The following SUPT3H variants were observed in gnomAD, a reference collection of about 807,000 sequenced individuals.
SUPT3H encodes the protein SPT3 homolog, SAGA and STAGA complex component.
A neutral mutation model predicts 44.3 loss-of-function variants in SUPT3H; 44 were observed. The observed-to-expected ratio is 0.99, with a 90% CI of 0.78 to 1.28. SUPT3H has a LOEUF of 1.28. Among genes scored for constraint, SUPT3H ranks in the 50% most tolerant of loss-of-function variants. The pLI is 0.00. For synonymous variants in SUPT3H, 124 were observed against 125.6 expected (o/e 0.99, Z 0.09); for missense variants, 380 against 387.1 (o/e 0.98, Z 0.15).
intron 10 of SUPT3H, among the ~76,000 whole-genome samples, chr6:44,890,776 A>ATAAT (rs1561976670): frequency 5.0e-4 from 71 of 142,050 alleles, no homozygotes; most frequent in Admixed American, 4.1e-3. Context: ...ATAATAAAAA[A>ATAAT]AAAAGAAAAT....
intron 2 of SUPT3H, among the ~76,000 whole-genome samples, chr6:45,185,060 T>G (rs1019548846): frequency 6.6e-6 from 1 of 152,162 alleles, no homozygotes; most frequent in African/African-American, 2.4e-5. Context: ...ATCTACCAGA[T>G]AGGCTAAGGG....
chr6:45,173,730 T>C lies in SUPT3H; in HGVS notation c.102-67724A>G, dbSNP rs75895924. On this transcript the variant is annotated intron_variant, in intron 2 of 10. Transcript: ENST00000371459. ...CAGCATAGAGCCAGAAAAGGCCACA[T>C]ACATACTTCAAAAGCCTAAGAGATA... Among the ~76,000 whole-genome samples, 16 of 152,210 alleles carry C rather than the reference T, an allele frequency of 1.1e-4. No individual in the cohort carries two copies. In the East Asian group the frequency reaches 2.3e-3, roughly 22 times the overall value.
At chr6:45,240,645 G>C (rs544031086) in intron 2 of SUPT3H, among the ~76,000 whole-genome samples, 1 of 152,348 alleles carries the variant, frequency 6.6e-6, no homozygotes, top group South Asian at 2.1e-4. Flanking sequence ...GGTCCCCTAA[G>C]GGGATGTTTA....
intron 10 of SUPT3H, among the ~76,000 whole-genome samples, chr6:44,892,665 A>T (rs1763489689): frequency 6.6e-6 from 1 of 152,190 alleles, no homozygotes; most frequent in Admixed American, 6.6e-5. Flanking sequence ...AAGACATTCC[A>T]GCAACCATAC....
intron 9 of SUPT3H, among the ~76,000 whole-genome samples, chr6:44,948,145 T>C (rs1044128570): frequency 1.3e-5 from 2 of 152,218 alleles, no homozygotes; most frequent in African/African-American, 4.8e-5. Context: ...CTCTGTTCTG[T>C]TCCATTGGTG....
intron 2 of SUPT3H, among the ~76,000 whole-genome samples, chr6:45,294,740 A>C (rs1780863755): frequency 1.4e-5 from 2 of 138,820 alleles, no homozygotes; most frequent in African/African-American, 2.6e-5. Context: ...CTGCAAAAAA[A>C]AAAAAAAAAA....
chr6:45,175,156 G>GTA (rs946450120), intron 2 of SUPT3H, among the ~76,000 whole-genome samples: 5 of 149,270 alleles, frequency 3.3e-5, no homozygotes, highest in South Asian at 4.2e-4. Flanking sequence ...TTATTTGTTT[G>GTA]TATATATATA....
chr6:45,308,543 G>C (rs1225318208), intron 2 of SUPT3H, among the ~76,000 whole-genome samples: 5 of 152,102 alleles, frequency 3.3e-5, no homozygotes, highest in African/African-American at 1.2e-4. Flanking sequence ...AGAAGCAAAT[G>C]CTGAGAGATT....
chr6:45,002,843 A>C (rs1006520773), intron 6 of SUPT3H, among the ~76,000 whole-genome samples: 5 of 147,808 alleles, frequency 3.4e-5, no homozygotes, highest in Non-Finnish European at 6.0e-5. Context: ...TATCTTCAGC[A>C]TGCATAGAAA....
chr6:44,979,350 T>A (rs374288383), intron 6 of SUPT3H, among the ~76,000 whole-genome samples: 1 of 152,112 alleles, frequency 6.6e-6, no homozygotes, highest in Admixed American at 6.5e-5. Flanking sequence ...ATTTGATAGG[T>A]TGATAGGTTT....
At chr6:45,036,853 G>T (rs146540726) in intron 3 of SUPT3H, among the ~76,000 whole-genome samples, 2 of 152,190 alleles carry the variant, frequency 1.3e-5, no homozygotes, top group East Asian at 3.9e-4. Flanking sequence ...AAGTAAGATA[G>T]GACATAGGGG....
chr6:45,281,255 G>C (rs527384077), intron 2 of SUPT3H, among the ~76,000 whole-genome samples: 1 of 152,276 alleles, frequency 6.6e-6, no homozygotes, highest in Non-Finnish European at 1.5e-5. Context: ...CAGGACAGTG[G>C]GTGCAGCGCA....
chr6:45,202,116 C>T (rs956477935), intron 2 of SUPT3H, among the ~76,000 whole-genome samples: 2 of 151,956 alleles, frequency 1.3e-5, no homozygotes, highest in Middle Eastern at 3.4e-3. Flanking sequence ...TTTATTTTCA[C>T]TTTGAATATC....
chr6:45,130,615 T>G (rs1401972155), intron 2 of SUPT3H, among the ~76,000 whole-genome samples: 1 of 150,210 alleles, frequency 6.7e-6, no homozygotes, highest in African/African-American at 2.5e-5. Context: ...AATTTACGGG[T>G]ATCCTTTATC....
rs530350093 is a variant in SUPT3H, at chr6:45,260,234, G to A, written c.101+104967C>T. Among the ~76,000 whole-genome samples, 8 of 152,200 alleles carry A rather than the reference G, an allele frequency of 5.3e-5. No homozygotes were observed. In the South Asian group the frequency reaches 1.2e-3, roughly 24 times the overall value. ...CAGTAAATAAACTACATTCTACGCAGGGAACTGCAGGAAAGTTTTTCAGAG... is the reference window on the plus strand; with the variant it reads ...CAGTAAATAAACTACATTCTACGCAAGGAACTGCAGGAAAGTTTTTCAGAG... On this transcript the variant is annotated intron_variant, in intron 2 of 10. Coordinates refer to ENST00000371459, the MANE Select transcript of SUPT3H (RefSeq NM_003599.4).
chr6:45,257,762 G>A (rs1773656666), intron 2 of SUPT3H, among the ~76,000 whole-genome samples: 2 of 152,138 alleles, frequency 1.3e-5, no homozygotes, highest in Non-Finnish European at 2.9e-5. Flanking sequence ...TCCTACCCAT[G>A]AGTGTGAAGC....
intron 2 of SUPT3H, among the ~76,000 whole-genome samples, chr6:45,260,510 T>A (rs1774189097): frequency 6.6e-6 from 1 of 152,188 alleles, no homozygotes; most frequent in African/African-American, 2.4e-5. Flanking sequence ...GCTGATTGAA[T>A]GATAATCATA....
intron 2 of SUPT3H, among the ~76,000 whole-genome samples, chr6:45,268,901 A>G (rs897218145): frequency 6.6e-6 from 1 of 152,188 alleles, no homozygotes; most frequent in Admixed American, 6.5e-5. Flanking sequence ...TGCTTAACCT[A>G]ATAAAATGAA....
At chr6:44,987,881 A>G (rs1163087856) in intron 6 of SUPT3H, among the ~76,000 whole-genome samples, 1 of 152,140 alleles carries the variant, frequency 6.6e-6, no homozygotes, top group Non-Finnish European at 1.5e-5. Context: ...AAGAAGTGCA[A>G]AAAGTCTGAA....
Sources: allele counts gnomAD v4.1 joint callset (sites outside exome capture counted in the v4.1 genomes callset), GRCh38; gene constraint gnomAD v4.1.1; transcripts MANE v1.5; gene names NCBI Gene and HGNC (gene_info 2026-07-23, HGNC 2026-07-21).